DYM: variants seen among roughly 807,000 people sequenced by gnomAD.
DYM encodes dyggve-Melchior-Clausen syndrome protein.
Under a neutral mutation model 93.1 loss-of-function variants are expected in DYM, and 78 were observed. That is an observed-to-expected ratio of 0.84 (90% CI 0.70 to 1.01). The LOEUF is 1.01. Ranked by LOEUF, DYM falls within the 50% of genes least tolerant of loss-of-function variation. The probability of loss-of-function intolerance (pLI) is 0.00; values close to 1 mark genes in which losing one functional copy is unlikely to be tolerated. For synonymous variants in DYM, 321 were observed against 319.7 expected, an observed-to-expected ratio of 1.00 and a Z score of -0.04; for missense variants, 789 against 845.0, an observed-to-expected ratio of 0.93 and a Z score of 0.82.
chr18:49,151,109 T>G (rs1178009409), intron 15 of DYM, among the ~76,000 whole-genome samples: 2 of 152,214 alleles, frequency 1.3e-5, no homozygotes, highest in African/African-American at 4.8e-5. Context: ...TCCAAATTTC[T>G]ATCTCAGAAA....
At chr18:49,457,227 T>C (rs1389602316) in intron 1 of DYM, among the ~76,000 whole-genome samples, 1 of 152,164 alleles carries the variant, frequency 6.6e-6, no homozygotes, top group Non-Finnish European at 1.5e-5. Context: ...GCTGCTGAAA[T>C]GGGGGTGCCT....
chr18:49,264,474 C>T (rs903431236), intron 11 of DYM, among the ~76,000 whole-genome samples: 2 of 152,002 alleles, frequency 1.3e-5, no homozygotes, highest in African/African-American at 4.8e-5. Flanking sequence ...TTTTTTCTTT[C>T]ATCAACCCCA....
At chr18:49,422,371 AT>A (rs1489326547) in intron 2 of DYM, among the ~76,000 whole-genome samples, 1 of 152,136 alleles carries the variant, frequency 6.6e-6, no homozygotes, top group Non-Finnish European at 1.5e-5. Flanking sequence ...AAAGAAAATA[AT>A]TTTCAACCCA....
rs148648463 is a variant in DYM, at chr18:49,260,314, G to A, written c.1252-1821C>T. Among the ~76,000 whole-genome samples the A allele has an allele frequency of 5.9e-5, 9 of 152,314 alleles. No individual in the cohort carries two copies. The South Asian group carries it at 6.2e-4, about 11-fold the overall frequency. ...TGAGAATCGCTTGAAGCCAGGAGGC[G>A]AAGGTTGTAGTGAAACGAGATGTTG... On this transcript the variant is annotated intron_variant, in intron 11 of 17. Transcript: ENST00000675505.
intron 14 of DYM, among the ~76,000 whole-genome samples, chr18:49,200,205 T>C (rs532103107): frequency 6.6e-6 from 1 of 151,902 alleles, no homozygotes; most frequent in African/African-American, 2.4e-5. Context: ...GGGAGGAGGG[T>C]AGAGAAAAGT....
intron 8 of DYM, among the ~76,000 whole-genome samples, chr18:49,303,381 T>C (rs1231854502): frequency 6.6e-6 from 1 of 152,222 alleles, no homozygotes; most frequent in African/African-American, 2.4e-5. Context: ...AATGTCATTC[T>C]AATACTGTAT....
intron 17 of DYM, among the ~76,000 whole-genome samples, chr18:49,064,187 A>G (rs943625957): frequency 2.0e-5 from 3 of 152,234 alleles, no homozygotes; most frequent in African/African-American, 7.2e-5. Context: ...AATCATGTAC[A>G]TTATACAAAA....
chr18:49,057,963 T>C (rs2075642201), intron 17 of DYM, among the ~76,000 whole-genome samples: 1 of 152,194 alleles, frequency 6.6e-6, no homozygotes, highest in Non-Finnish European at 1.5e-5. Flanking sequence ...ACTGTGATGT[T>C]GAGGTGGTGC....
chr18:49,331,046 G>C (rs891736886), intron 8 of DYM, among the ~76,000 whole-genome samples: 1 of 152,162 alleles, frequency 6.6e-6, no homozygotes, highest in Non-Finnish European at 1.5e-5. Flanking sequence ...ATATCAAACT[G>C]ATGTCCAGCT....
intron 17 of DYM, among the ~76,000 whole-genome samples, chr18:49,056,724 T>G (rs1427930117): frequency 2.0e-5 from 3 of 151,850 alleles, no homozygotes; most frequent in Admixed American, 2.0e-4. Flanking sequence ...TTTTTTTGTA[T>G]TTTTAGTAGA....
intron 5 of DYM, among the ~76,000 whole-genome samples, chr18:49,377,954 T>C (rs1791786937): frequency 1.3e-5 from 2 of 152,234 alleles, no homozygotes; most frequent in South Asian, 4.1e-4. Flanking sequence ...CAGAGATCTA[T>C]TTTGAAAACA....
At chr18:49,288,680 T>C (rs2059820237) in intron 8 of DYM, among the ~76,000 whole-genome samples, 1 of 152,024 alleles carries the variant, frequency 6.6e-6, no homozygotes, top group Non-Finnish European at 1.5e-5. Flanking sequence ...CTTGGGAGGC[T>C]GAGGCGGGAG....
chr18:49,440,306 G>T lies in DYM; in HGVS notation c.-53-9859C>A, dbSNP rs1056263378. ...AAATTCTACACTCTATTCCAGAATC[G>T]CTTTCCTCCTAAATATACATATACT... On this transcript the variant is annotated intron_variant, in intron 1 of 17. Coordinates refer to ENST00000675505, the MANE Select transcript of DYM (RefSeq NM_001353214.3). 1.5e-5 allele frequency among the ~76,000 whole-genome samples: 2 copies of T among 133,776 alleles called. 1 individual carries two copies. Among genetic ancestry groups the T allele is most frequent in the Non-Finnish European group, 3.1e-5 (2 of 64,052 alleles). 87.8% of individuals were successfully genotyped at this position (133,776 alleles called of 152,430 possible). A position where few individuals can be genotyped will look rare whatever the true frequency, so the allele number is the denominator to read the frequency against.
At chr18:49,435,913 C>T (rs927062298) in intron 1 of DYM, among the ~76,000 whole-genome samples, 1 of 152,140 alleles carries the variant, frequency 6.6e-6, no homozygotes, top group African/African-American at 2.4e-5. Flanking sequence ...GTTACTTCAT[C>T]GTCCATATTA....
chr18:49,283,271 T>A (rs1172096375), intron 9 of DYM, among the ~76,000 whole-genome samples: 1 of 152,184 alleles, frequency 6.6e-6, no homozygotes. Context: ...CCATTGCAGG[T>A]TGGGGGCCAT....
chr18:49,250,230 G>A (rs2094256504), intron 13 of DYM, among the ~76,000 whole-genome samples: 1 of 152,218 alleles, frequency 6.6e-6, no homozygotes, highest in African/African-American at 2.4e-5. Context: ...GCAACTCTCT[G>A]TAAAGTAATG....
chr18:49,164,352 G>T (rs1568526571), intron 14 of DYM, among the ~76,000 whole-genome samples: 2 of 151,830 alleles, frequency 1.3e-5, no homozygotes, highest in African/African-American at 4.8e-5. Flanking sequence ...AAAAAAAAAT[G>T]ACACAACTGT....
At chr18:49,235,156 A>T (rs139760203) in intron 13 of DYM, among the ~76,000 whole-genome samples, 397 of 152,348 alleles carry the variant, frequency 2.6e-3, no homozygotes, top group African/African-American at 8.9e-3. Flanking sequence ...TGGGATAACA[A>T]ATCTGTGTTG....
At chr18:49,355,185 T>C (rs568976545) in intron 6 of DYM, among the ~76,000 whole-genome samples, 25 of 152,128 alleles carry the variant, frequency 1.6e-4, no homozygotes, top group South Asian at 8.3e-4. Context: ...CATTGATACA[T>C]TGATAGATAC....
Sources: gnomAD v4.1 joint callset for allele counts (sites outside exome capture counted in the v4.1 genomes callset) on GRCh38, gnomAD v4.1.1 for gene constraint, MANE v1.5 for transcripts, NCBI Gene and HGNC (gene_info 2026-07-23, HGNC 2026-07-21) for gene names.